The following NFIA variants were observed in gnomAD, a reference collection of about 807,000 sequenced individuals.
NFIA encodes the protein nuclear factor I A.
Under a neutral mutation model 62.8 loss-of-function variants are expected in NFIA, and 8 were observed. The ratio of observed to expected loss-of-function variants is 0.13; its 90% confidence interval spans 0.07 to 0.23. The LOEUF (loss-of-function observed/expected upper bound fraction) is 0.23, where lower values mean the gene tolerates loss of function less well. NFIA is among the 10% of genes least tolerant of loss of function. The pLI, the probability that NFIA is intolerant of heterozygous loss-of-function variation, is 1.00. For synonymous variants in NFIA, 235 were observed against 238.1 expected (o/e 0.99, Z 0.12); for missense variants, 410 against 642.1 (o/e 0.64, Z 3.91).
At chr1:61,148,780 G>A (rs913759688) in intron 2 of NFIA, among the ~76,000 whole-genome samples, 8 of 152,196 alleles carry the variant, frequency 5.3e-5, no homozygotes, top group Non-Finnish European at 1.2e-4. Flanking sequence ...GGAAGATGAA[G>A]GAAAACTATT....
At chr1:61,367,508 C>T (rs1314242207) in intron 6 of NFIA, among the ~76,000 whole-genome samples, 1 of 152,196 alleles carries the variant, frequency 6.6e-6, no homozygotes, top group Admixed American at 6.5e-5. Flanking sequence ...CTTCTATGAT[C>T]TCATATTGGC....
chr1:61,457,699 G>C lies in NFIA; in HGVS notation c.*2379G>C, dbSNP rs1470732627. The C allele has an allele frequency of 1.3e-5, 2 of 151,660 alleles. No individual in the cohort carries two copies. The highest frequency in any genetic ancestry group is 4.8e-5 in the African/African-American group (2 of 41,292). The allele number at this position is 151,660 out of a possible 1,614,324, so 9.4% of individuals were successfully genotyped here. A position where few individuals can be genotyped will look rare whatever the true frequency, so the allele number is the denominator to read the frequency against. ...CAGTGTGTTTTAGGTGTTTGTCTTT[G>C]TACTTTTTTGTGATTTTTGAATGCA... On this transcript the variant is annotated 3_prime_UTR_variant, in exon 11 of 11. Coordinates refer to ENST00000403491, the MANE Select transcript of NFIA (RefSeq NM_001134673.4). This position sits in a 1 kb window ranked among gnomAD's most constrained non-coding sequence, Gnocchi z 4.2.
At chr1:61,215,014 T>C (rs764146878) in intron 2 of NFIA, among the ~76,000 whole-genome samples, 35 of 151,698 alleles carry the variant, frequency 2.3e-4, no homozygotes, top group Non-Finnish European at 8.8e-5. Context: ...CAGGACTTCA[T>C]AGTACCACTT....
intron 2 of NFIA, among the ~76,000 whole-genome samples, chr1:61,247,642 C>T (rs538317016): frequency 5.3e-5 from 8 of 152,240 alleles, no homozygotes; most frequent in Non-Finnish European, 8.8e-5. Context: ...GAGGGATGCC[C>T]TCGGGCCGTT....
At chr1:61,432,191 A>G (rs901867173) in intron 10 of NFIA, among the ~76,000 whole-genome samples, 1 of 150,694 alleles carries the variant, frequency 6.6e-6, no homozygotes, top group Non-Finnish European at 1.5e-5. Flanking sequence ...CTTGGGCCTA[A>G]TGATATGGTT....
intron 9 of NFIA, among the ~76,000 whole-genome samples, chr1:61,421,044 G>A (rs1231721003): frequency 6.6e-6 from 1 of 151,922 alleles, no homozygotes; most frequent in East Asian, 1.9e-4. Flanking sequence ...TGTGCCCTTG[G>A]TGGCCTCAGT....
intron 3 of NFIA, among the ~76,000 whole-genome samples, chr1:61,301,737 G>A (rs1458469453): frequency 1.3e-5 from 2 of 152,232 alleles, no homozygotes; most frequent in East Asian, 1.9e-4. Context: ...TTTTAAGAGA[G>A]TATGAACATG....
chr1:61,202,532 C>T (rs997751937), intron 2 of NFIA, among the ~76,000 whole-genome samples: 1 of 152,146 alleles, frequency 6.6e-6, no homozygotes. Context: ...AAGGATGATA[C>T]ATACCAGGTC....
chr1:61,130,677 G>T (rs895528745), intron 2 of NFIA, among the ~76,000 whole-genome samples: 2 of 151,922 alleles, frequency 1.3e-5, no homozygotes, highest in East Asian at 3.9e-4. Context: ...CTGAGTGTGT[G>T]GGGGGGCGTA....
In NFIA at chr1:61,267,209, A is replaced by T. The variant is rs769710630; in HGVS notation, c.560-10311A>T. On this transcript the variant is annotated intron_variant, in intron 2 of 10. Transcript: ENST00000403491. Reference sequence around the variant, plus strand: ...AGGAGAAAAGTCTGATTTAAAAAAAAATATTTTTATACTTTTAGGCTGGGT... The same window carrying T: ...AGGAGAAAAGTCTGATTTAAAAAAATATATTTTTATACTTTTAGGCTGGGT... Among the ~76,000 whole-genome samples the T allele has an allele frequency of 9.9e-5, 15 of 152,178 alleles. No homozygotes were observed. The East Asian group carries it at 1.2e-3, about 12-fold the overall frequency.
At chr1:61,399,062 G>A (rs1283069238) in intron 7 of NFIA, among the ~76,000 whole-genome samples, 3 of 152,030 alleles carry the variant, frequency 2.0e-5, no homozygotes, top group Non-Finnish European at 4.4e-5. Flanking sequence ...CTAATTATGA[G>A]TAGTCAAGAG....
chr1:61,307,817 A>T (rs749063917), intron 3 of NFIA, among the ~76,000 whole-genome samples: 1 of 152,330 alleles, frequency 6.6e-6, no homozygotes, highest in Admixed American at 6.5e-5. Context: ...TTTTGTGATG[A>T]TAACTGATGC....
At chr1:61,385,593 A>G (rs564638706) in intron 7 of NFIA, among the ~76,000 whole-genome samples, 4 of 152,312 alleles carry the variant, frequency 2.6e-5, no homozygotes, top group Non-Finnish European at 5.9e-5. Context: ...GTAAATATTA[A>G]GAGTGTCTAA....
intron 2 of NFIA, among the ~76,000 whole-genome samples, chr1:61,275,364 GAAGA>G (rs529740613): frequency 3.2e-4 from 49 of 152,268 alleles, no homozygotes; most frequent in African/African-American, 1.1e-3. Context: ...AAAGTGAAAA[GAAGA>G]AAGAAGTCTG....
intron 2 of NFIA, among the ~76,000 whole-genome samples, chr1:61,157,433 ATAT>A (rs778344445): frequency 6.6e-6 from 1 of 152,206 alleles, no homozygotes; most frequent in South Asian, 2.1e-4. Flanking sequence ...AAAAAAGGAC[ATAT>A]TATTATCAAA....
chr1:61,337,385 G>A (rs1259608599), intron 4 of NFIA, among the ~76,000 whole-genome samples: 5 of 151,972 alleles, frequency 3.3e-5, no homozygotes, highest in African/African-American at 1.2e-4. Context: ...TGCTTCCATG[G>A]CAAAGAAAAT....
At chr1:61,117,894 G>A (rs374090121) in intron 2 of NFIA, among the ~76,000 whole-genome samples, 26 of 152,082 alleles carry the variant, frequency 1.7e-4, no homozygotes, top group African/African-American at 5.1e-4. Context: ...ATGGAACATC[G>A]TCTGGCTGGC....
intron 6 of NFIA, among the ~76,000 whole-genome samples, chr1:61,364,410 C>G (rs1663474562): frequency 6.6e-6 from 1 of 152,086 alleles, no homozygotes; most frequent in Non-Finnish European, 1.5e-5. Flanking sequence ...AGCGATAAAG[C>G]AGAGAATTTG....
Position 61,091,354 on chromosome 1 carries a change from A to T in NFIA, c.559+2674A>T, listed in dbSNP as rs537168558. Among the ~76,000 whole-genome samples the T allele has an allele frequency of 2.7e-5, 4 of 150,046 alleles. No homozygotes were observed. In the South Asian group the frequency reaches 8.4e-4, roughly 32 times the overall value. Reference sequence around the variant, plus strand: ...ATGCAGAATCAATCTTTTTTTTTTTAAAGCGGAGGTGATTTATTCTAAGAC... The same window carrying T: ...ATGCAGAATCAATCTTTTTTTTTTTTAAGCGGAGGTGATTTATTCTAAGAC... On this transcript the variant is annotated intron_variant, in intron 2 of 10. Transcript: ENST00000403491.
Sources: gnomAD v4.1 joint callset for allele counts (sites outside exome capture counted in the v4.1 genomes callset) on GRCh38, gnomAD v4.1.1 for gene constraint, Gnocchi (gnomAD v3.1) non-coding constraint, MANE v1.5 for transcripts, NCBI Gene and HGNC (gene_info 2026-07-23, HGNC 2026-07-21) for gene names.